TC2N: variants seen among roughly 807,000 people sequenced by gnomAD.
The protein encoded by TC2N is tandem C2 domains, nuclear.
A neutral mutation model predicts 61.9 loss-of-function variants in TC2N; 51 were observed. The ratio of observed to expected loss-of-function variants is 0.82; its 90% CI spans 0.66 to 1.04. TC2N has a LOEUF of 1.04. TC2N is among the 50% of genes least tolerant of loss of function. TC2N has a pLI of 0.00. For synonymous variants in TC2N, 204 were observed against 192.6 expected, an observed-to-expected ratio of 1.06 and a Z score of -0.49; for missense variants, 556 against 566.7, an observed-to-expected ratio of 0.98 and a Z score of 0.19.
chr14:91,784,946 A>C (rs982022911), intron 11 of TC2N, among the ~76,000 whole-genome samples: 3 of 152,186 alleles, frequency 2.0e-5, no homozygotes, highest in African/African-American at 7.2e-5. Context: ...TCAGAAAAAA[A>C]CATATTTAAA....
chr14:91,853,649 T>TACACACACACACAC (rs71123304), intron 1 of TC2N, among the ~76,000 whole-genome samples: 1 of 103,046 alleles, frequency 9.7e-6, no homozygotes, highest in African/African-American at 4.5e-5. Context: ...TTTTTTAAAG[T>TACACACACACACAC]ACACACACAC....
chr14:91,801,214 C>T (rs548959170), intron 4 of TC2N, among the ~76,000 whole-genome samples: 1 of 151,942 alleles, frequency 6.6e-6, no homozygotes, highest in Admixed American at 6.5e-5. Flanking sequence ...GTTTATATTT[C>T]CCATCACACC....
intron 1 of TC2N, among the ~76,000 whole-genome samples, chr14:91,816,668 G>A (rs1887014831): frequency 6.6e-6 from 1 of 151,890 alleles, no homozygotes; most frequent in African/African-American, 2.4e-5. Context: ...ACTTAGTACA[G>A]TATTATTTTC....
intron 1 of TC2N, among the ~76,000 whole-genome samples, chr14:91,839,180 T>C (rs1000659361): frequency 2.6e-5 from 4 of 152,192 alleles, no homozygotes; most frequent in Non-Finnish European, 2.9e-5. Context: ...AGCCCAAGCC[T>C]ACCTCTCCAG....
chr14:91,847,508 G>A (rs1246751655), intron 1 of TC2N, among the ~76,000 whole-genome samples: 2 of 152,166 alleles, frequency 1.3e-5, no homozygotes. Context: ...CAGCTACCAT[G>A]CTCTAAGGAA....
chr14:91,818,554 C>A (rs1479609554), intron 1 of TC2N, among the ~76,000 whole-genome samples: 2 of 151,544 alleles, frequency 1.3e-5, no homozygotes, highest in African/African-American at 4.9e-5. Flanking sequence ...ATATATAGAA[C>A]CCATAATGAA....
chr14:91,855,954 A>C (rs1188833814), intron 1 of TC2N, among the ~76,000 whole-genome samples: 1 of 152,192 alleles, frequency 6.6e-6, no homozygotes, highest in Non-Finnish European at 1.5e-5. Flanking sequence ...AGTAAGTTCA[A>C]AGTAATATCA....
intron 1 of TC2N, among the ~76,000 whole-genome samples, chr14:91,853,692 T>A (rs1474209367): frequency 3.7e-5 from 5 of 135,782 alleles, no homozygotes; most frequent in Non-Finnish European, 7.9e-5. Context: ...ACACACACAA[T>A]CTGTGATCAA....
chr14:91,796,986 T>A (rs1885930212), intron 8 of TC2N, among the ~76,000 whole-genome samples: 2 of 151,876 alleles, frequency 1.3e-5, no homozygotes, highest in Non-Finnish European at 2.9e-5. Flanking sequence ...TATTTTAGAT[T>A]ATTTCCACAG....
At chr14:91,824,146 TAA>T (rs1433317844) in intron 1 of TC2N, among the ~76,000 whole-genome samples, 1 of 152,176 alleles carries the variant, frequency 6.6e-6, no homozygotes. Context: ...GGACAGATTG[TAA>T]AAAGACTTAA....
chr14:91,853,771 A>G (rs1233182784), intron 1 of TC2N, among the ~76,000 whole-genome samples: 3 of 151,952 alleles, frequency 2.0e-5, no homozygotes, highest in African/African-American at 7.3e-5. Context: ...GTTATTAAAA[A>G]TCATTTCTAT....
chr14:91,841,764 G>C (rs1024435857), intron 1 of TC2N, among the ~76,000 whole-genome samples: 1 of 152,166 alleles, frequency 6.6e-6, no homozygotes, highest in Non-Finnish European at 1.5e-5. Flanking sequence ...CTTCAGGATG[G>C]CTGGCTAGTG....
intron 1 of TC2N, among the ~76,000 whole-genome samples, chr14:91,823,302 C>A (rs1887341837): frequency 6.6e-6 from 1 of 151,794 alleles, no homozygotes; most frequent in Non-Finnish European, 1.5e-5. Flanking sequence ...GGGTGGATCA[C>A]CTAAGGTCGG....
intron 8 of TC2N, 42 bp downstream of exon 8, chr14:91,797,743 A>G (rs747994964): frequency 7.6e-7 from 1 of 1,320,738 alleles, no homozygotes; most frequent in South Asian, 1.3e-5. Context: ...ATATAAAAAA[A>G]AAAAAAACAG....
intron 1 of TC2N, among the ~76,000 whole-genome samples, chr14:91,844,106 T>G (rs1231292887): frequency 6.6e-6 from 1 of 152,096 alleles, no homozygotes; most frequent in Non-Finnish European, 1.5e-5. Context: ...CTCCATAAAG[T>G]GGCTTTTAAA....
At chr14:91,863,038 G>A (rs1888625912) in intron 1 of TC2N, among the ~76,000 whole-genome samples, 1 of 152,236 alleles carries the variant, frequency 6.6e-6, no homozygotes, top group South Asian at 2.1e-4. Flanking sequence ...GCTGTTACTG[G>A]CCCATAGGGC....
At position 91,802,316 on chromosome 14, in the gene TC2N, ATGT is replaced by A; in HGVS notation, c.404_406del (p.His135_Ile136delinsLeu). On this transcript the variant is annotated inframe_deletion, in exon 4 of 12. Coordinates refer to ENST00000435962, the MANE Select transcript of TC2N (RefSeq NM_001128596.3). ...AAAGCGTCGACTCAAATCAGGTGAA[ATGT>A]GCTGATACATATAGAATGGGTTATA... 1 of 1,607,354 alleles carries A rather than the reference ATGT, an allele frequency of 6.2e-7. No homozygotes were observed. Among genetic ancestry groups the A allele is most frequent in the Non-Finnish European group, 8.5e-7 (1 of 1,177,756 alleles).
intron 1 of TC2N, among the ~76,000 whole-genome samples, chr14:91,838,973 A>G (rs12589716): frequency 0.57 from 86,375 of 152,028 alleles, 24,673 homozygotes; most frequent in Admixed American, 0.6. Context: ...GTTTTTGTTT[A>G]TTTTTTAATT....
intron 1 of TC2N, among the ~76,000 whole-genome samples, chr14:91,840,096 T>C (rs1338969185): frequency 6.6e-6 from 1 of 152,226 alleles, no homozygotes; most frequent in Non-Finnish European, 1.5e-5. Flanking sequence ...TAAACCATGC[T>C]AACCATTGCT....
Sources: allele counts gnomAD v4.1 joint callset (sites outside exome capture counted in the v4.1 genomes callset), GRCh38; gene constraint gnomAD v4.1.1; transcripts MANE v1.5; gene names NCBI Gene and HGNC (gene_info 2026-07-23, HGNC 2026-07-21).